RFX1: variants seen among roughly 807,000 people sequenced by gnomAD.
RFX1 encodes regulatory factor X1, also known as MHC class II regulatory factor RFX1.
RFX1 carries 42 observed loss-of-function variants against 119.6 expected under a neutral mutation model. The ratio of observed to expected loss-of-function variants is 0.35; its 90% confidence interval spans 0.27 to 0.45. The LOEUF (loss-of-function observed/expected upper bound fraction) is 0.45. Ranked by LOEUF, RFX1 falls within the 20% of genes least tolerant of loss-of-function variation. The pLI is 1.00. For missense variants in RFX1, 1,118 were observed against 1,368.1 expected (o/e 0.82, Z 2.88); for synonymous variants, 628 against 618.5 (o/e 1.02, Z -0.23).
chr19:13,978,348 A>C (rs1974316949), intron 7 of RFX1, among the ~76,000 whole-genome samples: 1 of 152,102 alleles, frequency 6.6e-6, no homozygotes, highest in South Asian at 2.1e-4. Flanking sequence ...GACCCGAGAC[A>C]GGGTCCTGTA....
chr19:13,962,664 C>CGGGGGGGGGGG lies in RFX1; in HGVS notation c.*30_*31insCCCCCCCCCCC. On this transcript the variant is annotated 3_prime_UTR_variant, in exon 21 of 21. Coordinates refer to ENST00000254325, the MANE Select transcript of RFX1 (RefSeq NM_002918.5). The stretch of plus-strand genomic sequence containing the variant: ...GAGGGACCCTGGCGTGGAGGGGTGG[C>CGGGGGGGGGGG]GGGGGCGGGTGGGGCGGGGAGGCCA... 2 of 475,210 alleles carry CGGGGGGGGGGG rather than the reference C, an allele frequency of 4.2e-6. No homozygotes were observed. The highest frequency in any genetic ancestry group is 4.8e-6 in the Non-Finnish European group (2 of 420,552). 29.4% of individuals were successfully genotyped at this position (475,210 alleles called of 1,614,324 possible).
chr19:13,965,851 T>C lies in RFX1; in HGVS notation c.1962-74A>G. 6.5e-7 allele frequency: 1 copy of C among 1,534,300 alleles called. No individual in the cohort carries two copies. Among genetic ancestry groups the C allele is most frequent in the African/African-American group, 1.4e-5 (1 of 73,690 alleles). ...GCCCCCATCGTCAGAAGGGAACAGG[T>C]AGCCCCTGTCCCTGACCCAGGGTCA... On this transcript the variant is annotated intron_variant, in intron 14 of 20. Coordinates refer to ENST00000254325, the MANE Select transcript of RFX1 (RefSeq NM_002918.5). This position sits in a 1 kb window ranked among gnomAD's most constrained non-coding sequence, Gnocchi z 4.7.
In RFX1 at chr19:13,990,153, G is replaced by A. The variant is rs1302629197; in HGVS notation, c.319+3372C>T. 2.6e-5 allele frequency among the ~76,000 whole-genome samples: 4 copies of A among 152,098 alleles called. No individual in the cohort carries two copies. The highest frequency in any genetic ancestry group is 4.1e-4 in the South Asian group (2 of 4,830). On this transcript the variant is annotated intron_variant, in intron 2 of 20. Transcript: ENST00000254325. The surrounding 1 kb of genome is among the most constrained non-coding windows in gnomAD (Gnocchi z 4.1). ...AGCTGGGACACAGGATGAGGCCATC[G>A]TTAAGGGAGAACTACAGGAGCTAAG...
rs1324052149 is a variant in RFX1 at position 13,970,035 on chromosome 19, G to A, written c.1455C>T (p.Arg485=). The A allele has an allele frequency of 3.7e-6, 6 of 1,613,916 alleles. No homozygotes were observed. The highest frequency in any genetic ancestry group is 5.1e-6 in the Non-Finnish European group (6 of 1,179,972). Residue 485 remains arginine, a synonymous_variant, in exon 10 of 21, where the codon CGC becomes CGT. Coordinates refer to ENST00000254325, the MANE Select transcript of RFX1 (RefSeq NM_002918.5). ...VNAASFGKLI[R]SVFMGLRTRR... ...GGGTTCGCAGGCCCATGAAGACGGA[G>A]CGGATGAGCTTGCCGAAGGAGGCGG...
intron 4 of RFX1, among the ~76,000 whole-genome samples, chr19:13,982,837 C>T (rs1165983191): frequency 3.9e-5 from 6 of 152,190 alleles, no homozygotes; most frequent in African/African-American, 7.2e-5. Context: ...GCACCTCATG[C>T]GCAGCCTTCT....
intron 18 of RFX1, 114 bp from the exon 19 acceptor site, chr19:13,963,389 C>A: frequency 6.9e-7 from 1 of 1,440,266 alleles, no homozygotes; most frequent in Non-Finnish European, 9.3e-7. Flanking sequence ...CAGGCTGGAT[C>A]CCGCACAGCC....
intron 4 of RFX1, 128 bp downstream of exon 4, chr19:13,983,059 G>A (rs1974477850): frequency 2.8e-6 from 2 of 705,118 alleles, no homozygotes; most frequent in Admixed American, 5.1e-5. Context: ...GAGCCAGGAG[G>A]TAGGGCAGCC....
Position 13,963,740 on chromosome 19 carries a change from C to T in RFX1, c.2368G>A (p.Ala790Thr). Reference protein sequence around the residue: ...RVDFANVQEQASWVCRCEDRV... With the variant: ...RVDFANVQEQTSWVCRCEDRV... Reference sequence around the variant, plus strand: ...TCCTCGCAGCGGCACACCCACGAGGCCTGCTCCTGGGGCACAGAGGGTGGG... The same window carrying T: ...TCCTCGCAGCGGCACACCCACGAGGTCTGCTCCTGGGGCACAGAGGGTGGG... The change falls in exon 18 of 21, where the codon GCC becomes ACC. Residue 790 changes from alanine to threonine, a missense_variant. Physicochemically the swap from Ala to Thr is moderately conservative, Grantham distance 58. Coordinates refer to ENST00000254325, the MANE Select transcript of RFX1 (RefSeq NM_002918.5). The T allele has an allele frequency of 5.0e-6, 8 of 1,587,604 alleles. No homozygotes were observed. The highest frequency in any genetic ancestry group is 6.8e-6 in the Non-Finnish European group (8 of 1,168,662).
intron 8 of RFX1, among the ~76,000 whole-genome samples, chr19:13,973,987 G>C (rs1188676606): frequency 6.6e-6 from 1 of 151,888 alleles, no homozygotes; most frequent in African/African-American, 2.4e-5. Flanking sequence ...AGGGAACTTG[G>C]AATGCTACAC....
rs150014423 is a variant in RFX1 at position 13,971,898 on chromosome 19, C to T, written c.1314+845G>A. Among the ~76,000 whole-genome samples, 87 of 152,154 alleles carry T rather than the reference C, an allele frequency of 5.7e-4. No individual in the cohort carries two copies. In the East Asian group the frequency reaches 0.016, roughly 27 times the overall value. ...TGGCACGCCTATAGTCCCAGCTACT[C>T]GGGAGACTGGGGCAGGAGAATCACT... is the stretch of plus-strand genomic sequence containing the variant. On this transcript the variant is annotated intron_variant, in intron 9 of 20. Transcript: ENST00000254325.
At position 13,969,883 on chromosome 19, in the gene RFX1, GC is replaced by G. The variant is rs1490595811; in HGVS notation, c.1496+110del. 1 of 1,129,312 alleles carries G rather than the reference GC, an allele frequency of 8.9e-7. No individual in the cohort carries two copies. Among genetic ancestry groups the G allele is most frequent in the Non-Finnish European group, 1.2e-6 (1 of 804,408 alleles). 70.0% of individuals were successfully genotyped at this position (1,129,312 alleles called of 1,614,324 possible). On this transcript the variant is annotated intron_variant, in intron 10 of 20. Transcript: ENST00000254325. This position sits in a 1 kb window ranked among gnomAD's most constrained non-coding sequence, Gnocchi z 4.5. ...GGGGCTGTCGAGGAGCCTCGCAGAG[GC>G]CGGCGGGACTGGGCTGGACTGGACT...
In RFX1 at chr19:13,980,715, G is replaced by A; in HGVS notation, c.622-26C>T. ...CTGTAAGGGAAGGAGACACAGGAGT[G>A]CCGCTGGGGTGGGCTTGCATCCTCT... is the stretch of plus-strand genomic sequence containing the variant. On this transcript the variant is annotated intron_variant, in intron 5 of 20. Transcript: ENST00000254325. The surrounding 1 kb of genome is among the most constrained non-coding windows in gnomAD (Gnocchi z 5.1). 2 of 725,558 alleles carry A rather than the reference G, an allele frequency of 2.8e-6. No individual in the cohort carries two copies. Among genetic ancestry groups the A allele is most frequent in the Non-Finnish European group, 3.7e-6 (2 of 533,354 alleles). 44.9% of individuals were successfully genotyped at this position (725,558 alleles called of 1,614,324 possible). A position where few individuals can be genotyped will look rare whatever the true frequency, so the allele number is the denominator to read the frequency against.
intron 1 of RFX1, among the ~76,000 whole-genome samples, chr19:14,003,265 C>A (rs1443165425): frequency 6.6e-6 from 1 of 151,788 alleles, no homozygotes; most frequent in Non-Finnish European, 1.5e-5. Context: ...GGGGAGTGAG[C>A]ACCCAAATTG....
In RFX1 at chr19:13,965,117, T is replaced by C. The variant is rs574488979; in HGVS notation, c.2211+332A>G. 6.6e-6 allele frequency among the ~76,000 whole-genome samples: 1 copy of C among 152,300 alleles called. No homozygotes were observed. On this transcript the variant is annotated intron_variant, in intron 16 of 20. Coordinates refer to ENST00000254325, the MANE Select transcript of RFX1 (RefSeq NM_002918.5). This position sits in a 1 kb window ranked among gnomAD's most constrained non-coding sequence, Gnocchi z 4.7. Reference sequence around the variant, plus strand: ...AGATGTTGTTGCCTTTCTTAAAAAGTTTTATCTGTTTCTGCACACCTGAAG... The same window carrying C: ...AGATGTTGTTGCCTTTCTTAAAAAGCTTTATCTGTTTCTGCACACCTGAAG...
Position 13,966,141 on chromosome 19 carries a change from C to T in RFX1, c.1961+280G>A, listed in dbSNP as rs1259182336. On this transcript the variant is annotated intron_variant, in intron 14 of 20. Transcript: ENST00000254325. This position sits in a 1 kb window ranked among gnomAD's most constrained non-coding sequence, Gnocchi z 6.3. ...GTTGGCACAGGCCCGAGGGGTGGGA[C>T]GGGATCCTATGCCCTACCCTCCATA... 1.3e-5 allele frequency among the ~76,000 whole-genome samples: 2 copies of T among 152,228 alleles called. No individual in the cohort carries two copies. Among genetic ancestry groups the T allele is most frequent in the East Asian group, 1.9e-4 (1 of 5,168 alleles).
chr19:13,993,122 C>T (rs1362133805), intron 2 of RFX1, among the ~76,000 whole-genome samples: 1 of 151,932 alleles, frequency 6.6e-6, no homozygotes, highest in African/African-American at 2.4e-5. Flanking sequence ...GGGAAGATCC[C>T]ATAGCTACAA....
In RFX1 at chr19:13,973,020, G is replaced by C. The variant is rs760796567; in HGVS notation, c.1037C>G (p.Thr346Ser). The C allele has an allele frequency of 6.2e-7, 1 of 1,601,186 alleles. No individual in the cohort carries two copies. Among genetic ancestry groups the C allele is most frequent in the Admixed American group, 1.7e-5 (1 of 59,994 alleles). ...GTATQVSTPA[T>S]SQAVASSGSM... ...GCCACTGCTGGCCACCGCCTGGGAG[G>C]TGGCGGGGGTGCTGACCTGGGTGGC... Residue 346 changes from threonine to serine, a missense_variant, in exon 9 of 21, where the codon ACC becomes AGC. Around this residue, in one of 5 missense-constraint regions of RFX1, gnomAD observed 542 missense variants for 602.7 expected, o/e 0.90. Transcript: ENST00000254325.
chr19:13,965,865 G>C lies in RFX1; in HGVS notation c.1962-88C>G. On this transcript the variant is annotated intron_variant, in intron 14 of 20. Coordinates refer to ENST00000254325, the MANE Select transcript of RFX1 (RefSeq NM_002918.5). The surrounding 1 kb of genome is among the most constrained non-coding windows in gnomAD (Gnocchi z 4.7). ...AAGGGAACAGGTAGCCCCTGTCCCT[G>C]ACCCAGGGTCACTGGGGTACTCTGT... 6.8e-7 allele frequency: 1 copy of C among 1,476,184 alleles called. No homozygotes were observed. The highest frequency in any genetic ancestry group is 9.2e-7 in the Non-Finnish European group (1 of 1,081,384). The allele number at this position is 1,476,184 out of a possible 1,614,324, so 91.4% of individuals were successfully genotyped here.
rs757425139 is a variant in RFX1, at chr19:13,972,784, T to C, written c.1273A>G (p.Ser425Gly). 2 of 1,608,040 alleles carry C rather than the reference T, an allele frequency of 1.2e-6. No individual in the cohort carries two copies. The highest frequency in any genetic ancestry group is 2.2e-5 in the South Asian group (2 of 90,592). Residue 425 changes from serine (S) to glycine (G), a missense_variant, in exon 9 of 21, where the codon AGC (serine) becomes GGC (glycine). By Grantham distance (56) the Ser-to-Gly change is moderately conservative. Transcript: ENST00000254325. ...IQGGYMLGSA[S>G]QSYSHTTRAS... ...CGGGTGGTGTGAGAGTAAGACTGGC[T>C]GGCACTGCCCAGCATGTAGCCGCCT... is the stretch of plus-strand genomic sequence containing the variant.
Sources: gnomAD v4.1 joint callset for allele counts (sites outside exome capture counted in the v4.1 genomes callset) on GRCh38, gnomAD v4.1.1 for gene constraint, gnomAD v4.1.1 regional missense constraint, Gnocchi (gnomAD v3.1) non-coding constraint, MANE v1.5 for transcripts, NCBI Gene and HGNC (gene_info 2026-07-23, HGNC 2026-07-21) for gene names.